Variants in TGFBR2 observed in about 807,000 individuals in gnomAD.
TGFBR2 encodes the protein transforming growth factor beta receptor 2, also known as TGF-beta receptor type-2.
Under a neutral mutation model 49.0 loss-of-function variants are expected in TGFBR2, and 18 were observed. The observed-to-expected ratio is 0.37, with a 90% CI of 0.25 to 0.54. The LOEUF (loss-of-function observed/expected upper bound fraction) is 0.54, where lower values mean the gene tolerates loss of function less well. Among genes scored for constraint, TGFBR2 ranks in the 20% least tolerant of loss-of-function variants. The probability of loss-of-function intolerance (pLI) is 0.85; values close to 1 mark genes in which losing one functional copy is unlikely to be tolerated. For synonymous variants in TGFBR2, 282 were observed against 275.9 expected (o/e 1.02, Z -0.22); for missense variants, 525 against 722.6 (o/e 0.73, Z 3.13).
intron 1 of TGFBR2, among the ~76,000 whole-genome samples, chr3:30,615,092 G>A (rs532416568): frequency 4.1e-4 from 63 of 152,272 alleles, no homozygotes; most frequent in African/African-American, 1.4e-3. Flanking sequence ...AAGTGATACA[G>A]TCTTGGCTGA....
chr3:30,660,097 T>C (rs1296051586), intron 3 of TGFBR2, among the ~76,000 whole-genome samples: 3 of 152,200 alleles, frequency 2.0e-5, no homozygotes, highest in Non-Finnish European at 4.4e-5. Context: ...TTTAAAAACA[T>C]GTTAACTTTT....
At chr3:30,688,592 C>T in intron 6 of TGFBR2, 81 bp downstream of exon 6, 1 of 1,583,526 alleles carries the variant, frequency 6.3e-7, no homozygotes, top group South Asian at 1.1e-5. Context: ...GAATATTGAG[C>T]TTAAATCTGA....
At chr3:30,654,334 G>A (rs1242863844) in intron 3 of TGFBR2, among the ~76,000 whole-genome samples, 1 of 152,180 alleles carries the variant, frequency 6.6e-6, no homozygotes, top group African/African-American at 2.4e-5. Flanking sequence ...TAGAATGAAA[G>A]AGTTAAAGAA....
At chr3:30,679,388 G>T (rs28695299) in intron 5 of TGFBR2, among the ~76,000 whole-genome samples, 1 of 152,156 alleles carries the variant, frequency 6.6e-6, no homozygotes, top group Admixed American at 6.5e-5. Context: ...AGAAAGAACA[G>T]CACTACACTG....
At position 30,607,799 on chromosome 3, in the gene TGFBR2, A is replaced by AAAATAT. The variant is rs1367214755; in HGVS notation, c.94+823_94+824insAATATA. Among the ~76,000 whole-genome samples, 1,148 of 138,246 alleles carry AAAATAT rather than the reference A, an allele frequency of 8.3e-3. 17 individuals are homozygous for AAAATAT. The highest frequency in any genetic ancestry group is 0.027 in the African/African-American group (992 of 36,846). The allele number at this position is 138,246 out of a possible 152,430, so 90.7% of individuals were successfully genotyped here. On this transcript the variant is annotated intron_variant, in intron 1 of 6. Coordinates refer to ENST00000295754, the MANE Select transcript of TGFBR2 (RefSeq NM_003242.6). ...TTTAAGGAAAAAATAAAAATAAAAA[A>AAAATAT]ATATATATATATATTATATATATAT...
Position 30,651,197 on chromosome 3 carries a change from C to T in TGFBR2, c.454+737C>T, listed in dbSNP as rs190412833. On this transcript the variant is annotated intron_variant, in intron 3 of 6. Coordinates refer to ENST00000295754, the MANE Select transcript of TGFBR2 (RefSeq NM_003242.6). Reference sequence around the variant, plus strand: ...TTTAATTACAAAAGTAGTATATGCTCGTCATCAAAAATTTCAAACAATCCA... The same window carrying T: ...TTTAATTACAAAAGTAGTATATGCTTGTCATCAAAAATTTCAAACAATCCA... Among the ~76,000 whole-genome samples, 21 of 152,146 alleles carry T rather than the reference C, an allele frequency of 1.4e-4. No homozygotes were observed. The East Asian group carries it at 2.7e-3, about 20-fold the overall frequency.
intron 1 of TGFBR2, among the ~76,000 whole-genome samples, chr3:30,637,822 C>T (rs1345124690): frequency 2.0e-5 from 3 of 151,966 alleles, no homozygotes; most frequent in African/African-American, 4.8e-5. Flanking sequence ...AACACTGCAG[C>T]GAATTTATCA....
intron 1 of TGFBR2, among the ~76,000 whole-genome samples, chr3:30,639,750 C>A (rs1698611042): frequency 6.6e-6 from 1 of 151,926 alleles, no homozygotes; most frequent in Non-Finnish European, 1.5e-5. Context: ...TCTGAGTTTC[C>A]CCCCACAAAA....
intron 1 of TGFBR2, among the ~76,000 whole-genome samples, chr3:30,625,278 G>T (rs1453544867): frequency 6.6e-6 from 1 of 152,176 alleles, no homozygotes; most frequent in Non-Finnish European, 1.5e-5. Flanking sequence ...AAATTAAGTT[G>T]CAGGGATATA....
intron 1 of TGFBR2, among the ~76,000 whole-genome samples, chr3:30,619,107 A>G (rs1273761335): frequency 6.6e-6 from 1 of 152,178 alleles, no homozygotes; most frequent in Non-Finnish European, 1.5e-5. Context: ...AGAAAAAAAA[A>G]CATAAAAACT....
At chr3:30,683,977 C>T (rs1022314821) in intron 5 of TGFBR2, among the ~76,000 whole-genome samples, 1 of 152,188 alleles carries the variant, frequency 6.6e-6, no homozygotes, top group African/African-American at 2.4e-5. Flanking sequence ...CCACGATCTT[C>T]CCTTCTTCTG....
At chr3:30,608,129 G>T (rs986913607) in intron 1 of TGFBR2, among the ~76,000 whole-genome samples, 6 of 151,718 alleles carry the variant, frequency 4.0e-5, no homozygotes, top group African/African-American at 1.5e-4. Flanking sequence ...AGTAGAGACG[G>T]GGTTTCACCA....
intron 1 of TGFBR2, among the ~76,000 whole-genome samples, chr3:30,637,866 G>A (rs1260141063): frequency 1.3e-5 from 2 of 152,064 alleles, no homozygotes; most frequent in East Asian, 1.9e-4. Context: ...GCGAAAGTGC[G>A]AGGCAAAAGG....
At chr3:30,609,302 T>C (rs1471813016) in intron 1 of TGFBR2, among the ~76,000 whole-genome samples, 1 of 152,220 alleles carries the variant, frequency 6.6e-6, no homozygotes, top group African/African-American at 2.4e-5. Context: ...TGTAAGTAAA[T>C]AGTTTCAGAA....
In TGFBR2 at chr3:30,672,072, A is replaced by T. The variant is rs772678321; in HGVS notation, c.889A>T (p.Ile297Phe). The T allele has an allele frequency of 6.2e-7, 1 of 1,614,234 alleles. No individual in the cohort carries two copies. The highest frequency in any genetic ancestry group is 1.3e-5 in the African/African-American group (1 of 75,070). ...WKTEKDIFSD[I>F]NLKHENILQF... ...GACAGAGAAGGACATCTTCTCAGAC[A>T]TCAATCTGAAGCATGAGAACATACT... The change falls in exon 4 of 7, where the codon ATC (isoleucine) becomes TTC (phenylalanine). Residue 297 changes from isoleucine (I) to phenylalanine (F), a missense_variant. This residue lies in a region of TGFBR2 where 376 missense variants were observed against 478.2 expected (regional missense o/e 0.79). Transcript: ENST00000295754. This position sits in a 1 kb window ranked among gnomAD's most constrained non-coding sequence, Gnocchi z 4.5.
intron 3 of TGFBR2, among the ~76,000 whole-genome samples, chr3:30,663,476 A>AT (rs1273489138): frequency 2.0e-5 from 3 of 152,208 alleles, no homozygotes; most frequent in African/African-American, 4.8e-5. Flanking sequence ...CAGATTAAAC[A>AT]TTTTTTAAAG....
At chr3:30,646,609 T>C (rs1433885854) in intron 2 of TGFBR2, among the ~76,000 whole-genome samples, 1 of 152,178 alleles carries the variant, frequency 6.6e-6, no homozygotes. Flanking sequence ...ATTTTCACAA[T>C]CATGGTTTCC....
At chr3:30,687,531 A>G (rs1221345284) in intron 5 of TGFBR2, among the ~76,000 whole-genome samples, 1 of 152,084 alleles carries the variant, frequency 6.6e-6, no homozygotes, top group East Asian at 1.9e-4. Context: ...GCCTGTAGAC[A>G]ACTTTTTTTC....
intron 5 of TGFBR2, among the ~76,000 whole-genome samples, chr3:30,685,364 C>G (rs1019859457): frequency 1.3e-5 from 2 of 152,182 alleles, no homozygotes; most frequent in Non-Finnish European, 2.9e-5. Context: ...TGTGCAGATT[C>G]ACTGAGACAA....
Sources: gnomAD v4.1 joint callset for allele counts (sites outside exome capture counted in the v4.1 genomes callset) on GRCh38, gnomAD v4.1.1 for gene constraint, gnomAD v4.1.1 regional missense constraint, Gnocchi (gnomAD v3.1) non-coding constraint, MANE v1.5 for transcripts, NCBI Gene and HGNC (gene_info 2026-07-23, HGNC 2026-07-21) for gene names.